The following DHX15 variants were observed in gnomAD, a reference collection of about 807,000 sequenced individuals.
DHX15 encodes the protein DEAH-box helicase 15, also known as ATP-dependent RNA helicase DHX15.
In DHX15, 11 loss-of-function variants were observed where a neutral mutation model predicts 94.4. The ratio of observed to expected loss-of-function variants is 0.12; its 90% CI spans 0.07 to 0.19. The LOEUF is 0.19. Among genes scored for constraint, DHX15 ranks in the 10% least tolerant of loss-of-function variants. The pLI is 1.00. For missense variants in DHX15, 304 were observed against 988.5 expected, an observed-to-expected ratio of 0.31 and a Z score of 9.29; for synonymous variants, 338 against 329.9, an observed-to-expected ratio of 1.02 and a Z score of -0.27.
chr4:24,582,834 G>C (rs997116426), intron 1 of DHX15, among the ~76,000 whole-genome samples: 8 of 152,304 alleles, frequency 5.3e-5, no homozygotes, highest in Admixed American at 3.9e-4. Context: ...TTAACGTTTT[G>C]TGGGGCGTAA....
chr4:24,561,066 T>A (rs1721864309), intron 3 of DHX15, among the ~76,000 whole-genome samples: 1 of 152,190 alleles, frequency 6.6e-6, no homozygotes, highest in Non-Finnish European at 1.5e-5. Flanking sequence ...CCCGAACAAT[T>A]TCACTTGTAG....
chr4:24,557,181 G>C (rs1428795405), intron 3 of DHX15, among the ~76,000 whole-genome samples: 1 of 152,148 alleles, frequency 6.6e-6, no homozygotes, highest in Non-Finnish European at 1.5e-5. Context: ...CAAGGGTCAA[G>C]ATTGTATAAC....
chr4:24,581,037 T>C (rs976234014), intron 1 of DHX15: 2 of 125,924 alleles, frequency 1.6e-5, no homozygotes, highest in African/African-American at 3.2e-5. Flanking sequence ...TTTTTATTAT[T>C]TTTTTTTTTT....
At chr4:24,533,167 A>G in intron 11 of DHX15, 113 bp from the exon 12 acceptor site, 1 of 913,408 alleles carries the variant, frequency 1.1e-6, no homozygotes, top group South Asian at 1.4e-5. Context: ...CAGAAAGGAG[A>G]TTTACCCACA....
rs564569427 is a variant in DHX15, at chr4:24,563,784, G to A, written c.701+6870C>T. Among the ~76,000 whole-genome samples the A allele has an allele frequency of 3.9e-5, 6 of 152,152 alleles. No homozygotes were observed. In the South Asian group the frequency reaches 1.2e-3, roughly 32 times the overall value. The stretch of plus-strand genomic sequence containing the variant: ...TGCTGTTTCAAAAAGTATGAGGCAA[G>A]GCTGGGCACGGTGGCTCACGCCTGT... On this transcript the variant is annotated intron_variant, in intron 3 of 13. Coordinates refer to ENST00000336812, the MANE Select transcript of DHX15 (RefSeq NM_001358.3).
chr4:24,543,402 GTGTA>G (rs1486173694), intron 6 of DHX15, among the ~76,000 whole-genome samples: 1 of 152,048 alleles, frequency 6.6e-6, no homozygotes, highest in Non-Finnish European at 1.5e-5. Flanking sequence ...ATTTCCACAA[GTGTA>G]TATTTCAATG....
chr4:24,555,529 A>AT (rs1553950689), intron 4 of DHX15, among the ~76,000 whole-genome samples: 6 of 152,176 alleles, frequency 3.9e-5, no homozygotes, highest in South Asian at 2.1e-4. Flanking sequence ...TTTTCTAAAG[A>AT]CCCAGAATCT....
Position 24,540,181 on chromosome 4 carries a change from G to A in DHX15, c.1713C>T (p.Leu571=), listed in dbSNP as rs1322724691. The A allele has an allele frequency of 5.6e-6, 9 of 1,612,994 alleles. No individual in the cohort carries two copies. The highest frequency in any genetic ancestry group is 2.2e-5 in the South Asian group (2 of 90,990). ...CACAACTTGCAATAACCATTTTTGC[G>A]AGCTGTGGATCTAGAGGAAACTCTG... The part of the protein sequence containing the change: ...MMAEFPLDPQ[L]AKMVIASCDY... Residue 571 remains leucine, a synonymous_variant, in exon 10 of 14, where the codon CTC becomes CTT. Transcript: ENST00000336812.
chr4:24,558,208 G>C (rs936859044), intron 3 of DHX15, among the ~76,000 whole-genome samples: 1 of 152,108 alleles, frequency 6.6e-6, no homozygotes, highest in Non-Finnish European at 1.5e-5. Flanking sequence ...CAGCTAGATC[G>C]AGTTCAAGCA....
chr4:24,576,164 T>TA (rs1312630723), intron 2 of DHX15, 79 bp downstream of exon 2: 1 of 1,157,602 alleles, frequency 8.6e-7, no homozygotes, highest in Non-Finnish European at 1.3e-6. Context: ...ACAAGGGAAA[T>TA]GACCACCAGA....
At chr4:24,561,729 G>A (rs1721875999) in intron 3 of DHX15, among the ~76,000 whole-genome samples, 1 of 152,130 alleles carries the variant, frequency 6.6e-6, no homozygotes. Flanking sequence ...TCAGTTGGGA[G>A]CTCAACTTTG....
chr4:24,533,583 T>TACG, intron 11 of DHX15: 2 of 157,222 alleles, frequency 1.3e-5, no homozygotes, highest in African/African-American at 2.4e-5. Flanking sequence ...TTTACAAGGA[T>TACG]GCCCGAAACC....
At chr4:24,534,264 C>A (rs1480854895) in intron 11 of DHX15, 3 of 152,130 alleles carry the variant, frequency 2.0e-5, no homozygotes, top group Admixed American at 2.0e-4. Flanking sequence ...TGCTGATGCT[C>A]TGTAACAAGC....
intron 1 of DHX15, among the ~76,000 whole-genome samples, chr4:24,580,367 A>C (rs1251734434): frequency 3.3e-5 from 5 of 152,162 alleles, no homozygotes; most frequent in Non-Finnish European, 7.3e-5. Context: ...TGATCACACC[A>C]GTGCACTCCA....
chr4:24,550,296 AT>A (rs1560766977), intron 5 of DHX15, among the ~76,000 whole-genome samples: 5 of 151,944 alleles, frequency 3.3e-5, no homozygotes, highest in East Asian at 1.9e-4. Flanking sequence ...TTATAAAAAA[AT>A]GTATTTTCTT....
chr4:24,578,812 C>T (rs1413043239), intron 1 of DHX15, among the ~76,000 whole-genome samples: 1 of 152,138 alleles, frequency 6.6e-6, no homozygotes, highest in South Asian at 2.1e-4. Context: ...CAATCTCTTG[C>T]TTCAGCCTCC....
intron 1 of DHX15, among the ~76,000 whole-genome samples, chr4:24,576,931 C>CAA (rs1722280862): frequency 1.3e-5 from 2 of 152,310 alleles, no homozygotes; most frequent in South Asian, 4.1e-4. Flanking sequence ...CACAAGAACT[C>CAA]AGTCTGCTGC....
At chr4:24,534,704 A>G (rs1721158547) in intron 11 of DHX15, among the ~76,000 whole-genome samples, 1 of 152,178 alleles carries the variant, frequency 6.6e-6, no homozygotes, top group South Asian at 2.1e-4. Context: ...AGGGTTATTT[A>G]CATAAATAGT....
intron 5 of DHX15, among the ~76,000 whole-genome samples, chr4:24,549,375 T>C (rs1394159695): frequency 6.6e-6 from 1 of 152,212 alleles, no homozygotes. Context: ...TTTCACAATC[T>C]AAAAGAAATT....
Sources: gnomAD v4.1 joint callset for allele counts (sites outside exome capture counted in the v4.1 genomes callset) on GRCh38, gnomAD v4.1.1 for gene constraint, MANE v1.5 for transcripts, NCBI Gene and HGNC (gene_info 2026-07-23, HGNC 2026-07-21) for gene names.